RGS5: variants seen among roughly 807,000 people sequenced by gnomAD.
RGS5 encodes the protein regulator of G-protein signalling 5.
RGS5 carries 20 observed loss-of-function variants against 18.9 expected under a neutral mutation model. The observed-to-expected ratio is 1.06, with a 90% CI of 0.74 to 1.54. RGS5 has a LOEUF of 1.54. Ranked by LOEUF, RGS5 falls within the 40% of genes most tolerant of loss-of-function variation. The pLI, the probability that RGS5 is intolerant of heterozygous loss-of-function variation, is 0.00. For synonymous variants in RGS5, 57 were observed against 76.2 expected (o/e 0.75, Z 1.31); for missense variants, 201 against 211.8 (o/e 0.95, Z 0.32).
chr1:163,318,470 T>C (rs1016003508), intron 1 of RGS5, among the ~76,000 whole-genome samples: 1 of 152,020 alleles, frequency 6.6e-6, no homozygotes, highest in Non-Finnish European at 1.5e-5. Flanking sequence ...GGAGTACAAA[T>C]GAAAGCAAAG....
chr1:163,264,043 C>A (rs1477981295), intron 2 of RGS5, among the ~76,000 whole-genome samples: 1 of 151,930 alleles, frequency 6.6e-6, no homozygotes, highest in East Asian at 1.9e-4. Flanking sequence ...TTTTCTTTGG[C>A]ACAAACTGGG....
At chr1:163,293,259 T>C (rs535460937) in intron 2 of RGS5, among the ~76,000 whole-genome samples, 1 of 152,212 alleles carries the variant, frequency 6.6e-6, no homozygotes, top group Non-Finnish European at 1.5e-5. Flanking sequence ...AGACTGGGTA[T>C]TTATAAATAA....
chr1:163,300,216 T>C (rs1454499494), intron 2 of RGS5, among the ~76,000 whole-genome samples: 1 of 152,160 alleles, frequency 6.6e-6, no homozygotes, highest in Non-Finnish European at 1.5e-5. Flanking sequence ...AAAGATGAGA[T>C]AGAGGGCAGT....
At chr1:163,271,471 G>A (rs1356514543) in intron 2 of RGS5, among the ~76,000 whole-genome samples, 3 of 152,096 alleles carry the variant, frequency 2.0e-5, no homozygotes, top group Admixed American at 6.6e-5. Context: ...CCAGTAAGAA[G>A]GCCCTCACCA....
chr1:163,146,948 T>C lies in RGS5; in HGVS notation c.*394A>G, dbSNP rs1657152590. 1 of 154,314 alleles carries C rather than the reference T, an allele frequency of 6.5e-6. No individual in the cohort carries two copies. Among genetic ancestry groups the C allele is most frequent in the Admixed American group, 6.5e-5 (1 of 15,336 alleles). 9.6% of individuals were successfully genotyped at this position (154,314 alleles called of 1,614,324 possible). A position where few individuals can be genotyped will look rare whatever the true frequency, so the allele number is the denominator to read the frequency against. On this transcript the variant is annotated 3_prime_UTR_variant, in exon 5 of 5. Transcript: ENST00000313961. Reference sequence around the variant, plus strand: ...ACAAGTGAGATCAATTAAGCTCCTTTGAAATAGGTCTGTCCACACTTAATA... The same window carrying C: ...ACAAGTGAGATCAATTAAGCTCCTTCGAAATAGGTCTGTCCACACTTAATA...
chr1:163,190,950 C>T (rs1659324026), intron 1 of RGS5, among the ~76,000 whole-genome samples: 1 of 152,034 alleles, frequency 6.6e-6, no homozygotes, highest in Non-Finnish European at 1.5e-5. Flanking sequence ...TGATGACCAT[C>T]AGAAGTCCCT....
At chr1:163,275,389 C>T (rs1365293836) in intron 2 of RGS5, among the ~76,000 whole-genome samples, 1 of 152,178 alleles carries the variant, frequency 6.6e-6, no homozygotes, top group African/African-American at 2.4e-5. Context: ...GGTCCCCAAA[C>T]AGGGCTGTAA....
chr1:163,221,033 GT>G (rs1259977882), upstream of RGS5, among the ~76,000 whole-genome samples: 1 of 152,172 alleles, frequency 6.6e-6, no homozygotes, highest in Non-Finnish European at 1.5e-5. Flanking sequence ...GTGGTAATTT[GT>G]TATAGCAATA....
chr1:163,302,133 A>T (rs1649569533), intron 2 of RGS5, among the ~76,000 whole-genome samples: 1 of 152,194 alleles, frequency 6.6e-6, no homozygotes, highest in Admixed American at 6.5e-5. Flanking sequence ...CTACAATAAA[A>T]TAAGATACTC....
rs1648804839 is a variant in RGS5 at position 163,274,545 on chromosome 1, AG to A, written c.-281+31687del. Among the ~76,000 whole-genome samples, 3 of 152,258 alleles carry A rather than the reference AG, an allele frequency of 2.0e-5. No individual in the cohort carries two copies. The South Asian group carries it at 6.2e-4, about 32-fold the overall frequency. Reference sequence around the variant, plus strand: ...GTAGAGTGTTTTCCTGAGCTCTGTGAGCTGTTCTAGCAAATTATTGAACCTG... The same window carrying A: ...GTAGAGTGTTTTCCTGAGCTCTGTGACTGTTCTAGCAAATTATTGAACCTG... On this transcript the variant is annotated intron_variant, in intron 2 of 5. Coordinates refer to the RGS5 transcript ENST00000618415.
At chr1:163,225,399 T>C (rs1481698931) in intron 2 of RGS5, among the ~76,000 whole-genome samples, 2 of 152,156 alleles carry the variant, frequency 1.3e-5, no homozygotes, top group South Asian at 2.1e-4. Flanking sequence ...CATGAGAAAC[T>C]TGGGGAGGCT....
chr1:163,199,871 A>G (rs1177570534), intron 1 of RGS5, among the ~76,000 whole-genome samples: 1 of 152,090 alleles, frequency 6.6e-6, no homozygotes, highest in Non-Finnish European at 1.5e-5. Context: ...CAGTGGTGCA[A>G]TATGACTCAC....
chr1:163,172,362 T>C (rs960301174), intron 1 of RGS5, among the ~76,000 whole-genome samples: 5 of 152,224 alleles, frequency 3.3e-5, no homozygotes, highest in Non-Finnish European at 7.3e-5. Context: ...GAAAACACCA[T>C]TTATAAATGG....
chr1:163,148,322 AC>A (rs1002514372), intron 4 of RGS5, among the ~76,000 whole-genome samples: 14 of 152,128 alleles, frequency 9.2e-5, no homozygotes, highest in African/African-American at 3.4e-4. Flanking sequence ...GGGATCCAGG[AC>A]CTTTTGCATG....
At chr1:163,161,228 C>A (rs557455957) in intron 3 of RGS5, among the ~76,000 whole-genome samples, 1 of 152,096 alleles carries the variant, frequency 6.6e-6, no homozygotes, top group African/African-American at 2.4e-5. Context: ...GCCTGCAGAC[C>A]GGCCATATAG....
At chr1:163,209,775 A>T (rs576554157) in intron 1 of RGS5, among the ~76,000 whole-genome samples, 2 of 152,238 alleles carry the variant, frequency 1.3e-5, no homozygotes, top group African/African-American at 4.8e-5. Context: ...GCTTGCTGTC[A>T]TAGCTTCTGC....
At chr1:163,241,600 T>TA (rs1289483057) in intron 2 of RGS5, among the ~76,000 whole-genome samples, 2 of 151,968 alleles carry the variant, frequency 1.3e-5, no homozygotes, top group African/African-American at 4.8e-5. Flanking sequence ...ATTCTCACAT[T>TA]ATCTGATTTC....
At chr1:163,221,400 G>T (rs1647225804), upstream of RGS5, among the ~76,000 whole-genome samples, 1 of 152,122 alleles carries the variant, frequency 6.6e-6, no homozygotes, top group Non-Finnish European at 1.5e-5. Context: ...GGGAGGCCAA[G>T]GTAGAAGAAT....
At chr1:163,217,509 C>T in intron 1 of RGS5, 2 of 1,517,260 alleles carry the variant, frequency 1.3e-6, no homozygotes, top group Non-Finnish European at 1.8e-6. Flanking sequence ...TTATTTAAGA[C>T]TAATATTTGT....
Sources: gnomAD v4.1 joint callset for allele counts (sites outside exome capture counted in the v4.1 genomes callset) on GRCh38, gnomAD v4.1.1 for gene constraint, MANE v1.5 for transcripts, NCBI Gene and HGNC (gene_info 2026-07-23, HGNC 2026-07-21) for gene names.